Variants in SAMHD1 observed in about 807,000 individuals in gnomAD.
The protein encoded by SAMHD1 is SAM and HD domain containing deoxynucleoside triphosphate triphosphohydrolase 1.
SAMHD1 carries 54 observed loss-of-function variants against 79.6 expected under a neutral mutation model. The observed-to-expected ratio is 0.68, with a 90% CI of 0.55 to 0.85. The LOEUF (loss-of-function observed/expected upper bound fraction) is 0.85, where lower values mean the gene tolerates loss of function less well. Ranked by LOEUF, SAMHD1 falls within the 40% of genes least tolerant of loss-of-function variation. The pLI, the probability that SAMHD1 is intolerant of heterozygous loss-of-function variation, is 0.00. For synonymous variants in SAMHD1, 260 were observed against 264.1 expected (o/e 0.98, Z 0.15); for missense variants, 663 against 782.7 (o/e 0.85, Z 1.82).
At chr20:36,934,573 G>C (rs1036981214) in intron 4 of SAMHD1, 3 of 142,432 alleles carry the variant, frequency 2.1e-5, no homozygotes, top group African/African-American at 7.9e-5. Context: ...ATAAAATAAG[G>C]ACATTATCAT....
At chr20:36,912,166 C>T (rs1167773284) in intron 10 of SAMHD1, 2 of 406,688 alleles carry the variant, frequency 4.9e-6, no homozygotes, top group East Asian at 1.0e-4. Flanking sequence ...ACTACCTGTG[C>T]CGAGGTCCTG....
chr20:36,927,444 A>C (rs1317213663), intron 5 of SAMHD1, among the ~76,000 whole-genome samples, 192 bp from the exon 6 acceptor site: 1 of 151,050 alleles, frequency 6.6e-6, no homozygotes, highest in African/African-American at 2.4e-5. Context: ...CAGGCTACCG[A>C]GTAGCTGGGA....
intron 5 of SAMHD1, 63 bp from the exon 6 acceptor site, chr20:36,927,315 T>TC: frequency 3.1e-5 from 5 of 162,304 alleles, no homozygotes; most frequent in Non-Finnish European, 1.1e-5. Context: ...AACTTTTTCC[T>TC]TTTTTTTTTT....
intron 10 of SAMHD1, chr20:36,911,833 G>A (rs1368424919): frequency 1.2e-5 from 2 of 172,574 alleles, no homozygotes; most frequent in East Asian, 1.6e-4. Flanking sequence ...ATGTGAAAAC[G>A]AACATGAAAA....
At chr20:36,930,324 CG>C (rs2063560958) in intron 5 of SAMHD1, among the ~76,000 whole-genome samples, 2 of 151,778 alleles carry the variant, frequency 1.3e-5, no homozygotes, top group Admixed American at 1.3e-4. Context: ...GGTGAAACCC[CG>C]TCTCTGCTAA....
intron 4 of SAMHD1, chr20:36,934,519 A>C (rs2063588975): frequency 8.2e-5 from 1 of 12,258 alleles, no homozygotes; most frequent in Non-Finnish European, 1.4e-4. Context: ...CTCTGTCTCA[A>C]AAAAAAAAAA....
chr20:36,919,573 CCTGA>C lies in SAMHD1; in HGVS notation c.697-58_697-55del, dbSNP rs1555834420. On this transcript the variant is annotated intron_variant, in intron 6 of 15. Transcript: ENST00000646673. ...TTAAAGATTCTAGCCCATTGGGAGC[CCTGA>C]CTAACAAAATTATCCTCAATTCCAA... The C allele has an allele frequency of 1.4e-5, 21 of 1,534,054 alleles. No homozygotes were observed. In the South Asian group the frequency reaches 2.0e-4, roughly 15 times the overall value.
At chr20:36,930,098 A>T (rs1291047729) in intron 5 of SAMHD1, among the ~76,000 whole-genome samples, 7 of 151,896 alleles carry the variant, frequency 4.6e-5, no homozygotes, top group Non-Finnish European at 7.4e-5. Flanking sequence ...AAAAAAAAAA[A>T]AAAATAAGCA....
rs187821660 is a variant in SAMHD1, at chr20:36,947,382, A to G, written c.209-578T>C. ...AAAGCACTCAATACTCTGATTTGGA[A>G]GAGGTGTGTGTGATTTGGAAGAGGT... On this transcript the variant is annotated intron_variant, in intron 1 of 15. Transcript: ENST00000646673. 2.2e-3 allele frequency among the ~76,000 whole-genome samples: 206 copies of G among 93,034 alleles called. 7 individuals carry two copies. The highest frequency in any genetic ancestry group is 9.9e-3 in the African/African-American group (197 of 19,952). 61.0% of individuals were successfully genotyped at this position (93,034 alleles called of 152,430 possible).
chr20:36,928,687 G>GAA (rs1231569445), intron 5 of SAMHD1, among the ~76,000 whole-genome samples: 1 of 127,708 alleles, frequency 7.8e-6, no homozygotes. Context: ...TCTGTCTCGG[G>GAA]AAAAAAAAAA....
intron 4 of SAMHD1, among the ~76,000 whole-genome samples, chr20:36,934,074 G>T (rs1305221800): frequency 6.6e-6 from 1 of 151,804 alleles, no homozygotes; most frequent in Non-Finnish European, 1.5e-5. Context: ...GGGATTACAG[G>T]TGTGAGCCAC....
intron 13 of SAMHD1, among the ~76,000 whole-genome samples, chr20:36,901,826 T>G (rs1027591704): frequency 6.6e-6 from 1 of 152,228 alleles, no homozygotes; most frequent in South Asian, 2.1e-4. Flanking sequence ...AACAGCTGCA[T>G]GCAGCTAGTG....
intron 4 of SAMHD1, among the ~76,000 whole-genome samples, chr20:36,934,210 T>C (rs953570832): frequency 2.6e-5 from 4 of 151,778 alleles, no homozygotes; most frequent in African/African-American, 9.7e-5. Flanking sequence ...AATAAATAAA[T>C]TGCAACAAGG....
At chr20:36,925,889 C>T (rs963465307) in intron 6 of SAMHD1, among the ~76,000 whole-genome samples, 1 of 152,082 alleles carries the variant, frequency 6.6e-6, no homozygotes, top group African/African-American at 2.4e-5. Flanking sequence ...ATGGTACAAC[C>T]GCATTGGAAA....
intron 13 of SAMHD1, among the ~76,000 whole-genome samples, chr20:36,900,778 T>C (rs1451343174): frequency 6.6e-6 from 1 of 150,490 alleles, no homozygotes; most frequent in Non-Finnish European, 1.5e-5. Context: ...TTCACCATGT[T>C]GGCCAGGATG....
In SAMHD1 at chr20:36,951,482, G is replaced by A; in HGVS notation, c.162C>T (p.Leu54=). ...CCGGCTCTTCAAAGCCACCGCGCCT[G>A]AGGAAGGAGCACACCTGCTCCGGAC... ...TWGPEQVCSF[L]RRGGFEEPVL... is the part of the protein sequence containing the mutation. The change falls in exon 1 of 16, where the codon CTC becomes CTT. Residue 54 remains leucine, a synonymous_variant. Coordinates refer to ENST00000646673, the MANE Select transcript of SAMHD1 (RefSeq NM_015474.4). 1 of 1,614,178 alleles carries A rather than the reference G, an allele frequency of 6.2e-7. No individual in the cohort carries two copies. The highest frequency in any genetic ancestry group is 8.5e-7 in the Non-Finnish European group (1 of 1,179,998).
chr20:36,915,338 G>A lies in SAMHD1; in HGVS notation c.1062+1384C>T, dbSNP rs537936134. 2.0e-5 allele frequency among the ~76,000 whole-genome samples: 3 copies of A among 152,198 alleles called. No individual in the cohort carries two copies. In the South Asian group the frequency reaches 6.2e-4, roughly 32 times the overall value. Reference sequence around the variant, plus strand: ...GAGTAACACAGCAAGACCCTGTCTGGAAAGAAAACAAAAAACATACAAAAT... The same window carrying A: ...GAGTAACACAGCAAGACCCTGTCTGAAAAGAAAACAAAAAACATACAAAAT... On this transcript the variant is annotated intron_variant, in intron 9 of 15. Transcript: ENST00000646673.
chr20:36,898,543 A>C lies in SAMHD1; in HGVS notation c.1505T>G (p.Val502Gly), dbSNP rs1369743736. 6.2e-7 allele frequency: 1 copy of C among 1,610,632 alleles called. No homozygotes were observed. Among genetic ancestry groups the C allele is most frequent in the Non-Finnish European group, 8.5e-7 (1 of 1,176,984 alleles). ...TTGCATTCCATAATCCATGTTGATA[A>C]CCTAAATAAAAGCAATTCACAAGTA... ...KLKAEDFIVD[V>G]INMDYGMQEK... The change falls in exon 14 of 16, where the codon GTT becomes GGT. Residue 502 changes from valine to glycine, a missense_variant and splice_region_variant. Physicochemically the swap from Val to Gly is moderately radical, Grantham distance 109. Coordinates refer to ENST00000646673, the MANE Select transcript of SAMHD1 (RefSeq NM_015474.4).
Position 36,912,889 on chromosome 20 carries a change from G to GTTTTTTTTTTTTT in SAMHD1, c.1063-350_1063-338dup, listed in dbSNP as rs71186089. ...TGTACCCAGCTAACTTTCATTCTTT[G>GTTTTTTTTTTTTT]TTTTTTTTTTTTTTTTTTTTTTTTT... is the stretch of plus-strand genomic sequence containing the variant. On this transcript the variant is annotated intron_variant, in intron 9 of 15. Transcript: ENST00000646673. Among the ~76,000 whole-genome samples the GTTTTTTTTTTTTT allele has an allele frequency of 9.0e-4, 37 of 41,102 alleles. 12 individuals are homozygous for GTTTTTTTTTTTTT. Among genetic ancestry groups the GTTTTTTTTTTTTT allele is most frequent in the African/African-American group, 2.5e-3 (24 of 9,546 alleles). The allele number at this position is 41,102 out of a possible 152,430, so 27.0% of individuals were successfully genotyped here.
Sources: gnomAD v4.1 joint callset for allele counts (sites outside exome capture counted in the v4.1 genomes callset) on GRCh38, gnomAD v4.1.1 for gene constraint, MANE v1.5 for transcripts, NCBI Gene and HGNC (gene_info 2026-07-23, HGNC 2026-07-21) for gene names.